TPGS2: variants seen among roughly 807,000 people sequenced by gnomAD.
TPGS2 encodes tubulin polyglutamylase complex subunit 2.
In TPGS2, 26 loss-of-function variants were observed where a neutral mutation model predicts 31.1. That is an observed-to-expected ratio of 0.84 (90% CI 0.61 to 1.16). The LOEUF is 1.16. Among genes scored for constraint, TPGS2 ranks in the 50% most tolerant of loss-of-function variants. TPGS2 has a pLI of 0.00. For missense variants in TPGS2, 351 were observed against 363.8 expected (o/e 0.96, Z 0.29); for synonymous variants, 130 against 136.6 (o/e 0.95, Z 0.34).
At position 36,795,567 on chromosome 18, in the gene TPGS2, A is replaced by C. The variant is rs2044489504; in HGVS notation, c.*1238T>G. The C allele has an allele frequency of 2.0e-6, 2 of 985,322 alleles. No individual in the cohort carries two copies. Among genetic ancestry groups the C allele is most frequent in the Non-Finnish European group, 2.4e-6 (2 of 829,934 alleles). The allele number at this position is 985,322 out of a possible 1,614,324, so 61.0% of individuals were successfully genotyped here. A position where few individuals can be genotyped will look rare whatever the true frequency, so the allele number is the denominator to read the frequency against. On this transcript the variant is annotated 3_prime_UTR_variant, in exon 7 of 7. Transcript: ENST00000334295. ...ACAGCCAGGACTGTAGAGGGAGGAAATAAATAGGCATTCCTAATTGAAAAT... is the reference window on the plus strand; with the variant it reads ...ACAGCCAGGACTGTAGAGGGAGGAACTAAATAGGCATTCCTAATTGAAAAT...
At chr18:36,800,341 C>G in intron 4 of TPGS2, 30 bp from the exon 5 acceptor site, 1 of 1,598,028 alleles carries the variant, frequency 6.3e-7, no homozygotes, top group Non-Finnish European at 8.6e-7. Flanking sequence ...TGGTAATGTT[C>G]AAACAAACTC....
chr18:36,809,856 A>C (rs2045338853), intron 2 of TPGS2, among the ~76,000 whole-genome samples: 1 of 152,212 alleles, frequency 6.6e-6, no homozygotes, highest in East Asian at 1.9e-4. Flanking sequence ...GGCATTGTTC[A>C]TATGTAAGAC....
chr18:36,795,486 T>G lies in TPGS2; in HGVS notation c.*1319A>C, dbSNP rs2044486119. On this transcript the variant is annotated 3_prime_UTR_variant, in exon 7 of 7. Coordinates refer to ENST00000334295, the MANE Select transcript of TPGS2 (RefSeq NM_015476.4). The stretch of plus-strand genomic sequence containing the variant: ...GCCACCCAAAGAACTTGGGGCTAGG[T>G]GGGTGACTCCCCACTTTCCCTGTTG... 2 of 985,366 alleles carry G rather than the reference T, an allele frequency of 2.0e-6. No individual in the cohort carries two copies. The highest frequency in any genetic ancestry group is 9.4e-5 in the South Asian group (2 of 21,282). The allele number at this position is 985,366 out of a possible 1,614,324, so 61.0% of individuals were successfully genotyped here. A position where few individuals can be genotyped will look rare whatever the true frequency, so the allele number is the denominator to read the frequency against.
chr18:36,806,782 C>T (rs920767610), intron 3 of TPGS2, among the ~76,000 whole-genome samples: 1 of 124,950 alleles, frequency 8.0e-6, no homozygotes, highest in Non-Finnish European at 1.6e-5. Context: ...ACCTGGGAGG[C>T]GGAGGTTGCA....
rs988853757 is a variant in TPGS2 at position 36,796,488 on chromosome 18, G to A, written c.*317C>T. ...TGGGTCAAAACCAGTGGTTTCTTTGGGGGACCTCTCTAATCAATCAGTGCT... is the reference window on the plus strand; with the variant it reads ...TGGGTCAAAACCAGTGGTTTCTTTGAGGGACCTCTCTAATCAATCAGTGCT... On this transcript the variant is annotated 3_prime_UTR_variant, in exon 7 of 7. Transcript: ENST00000334295. 36 of 1,096,368 alleles carry A rather than the reference G, an allele frequency of 3.3e-5. No homozygotes were observed. In the African/African-American group the frequency reaches 5.5e-4, roughly 17 times the overall value. The allele number at this position is 1,096,368 out of a possible 1,614,324, so 67.9% of individuals were successfully genotyped here.
At chr18:36,786,784 A>C (rs541280364) in intron 6 of TPGS2, 1 of 1,232,712 alleles carries the variant, frequency 8.1e-7, no homozygotes. Context: ...GCCAGCAGAG[A>C]GTCTGTTCAC....
At chr18:36,800,373 A>G in intron 4 of TPGS2, 62 bp from the exon 5 acceptor site, 3 of 1,424,022 alleles carry the variant, frequency 2.1e-6, no homozygotes, top group Non-Finnish European at 3.0e-6. Flanking sequence ...ATACCTATAT[A>G]TCCAACTTTG....
intron 6 of TPGS2, among the ~76,000 whole-genome samples, chr18:36,787,317 C>A (rs374302512): frequency 6.6e-6 from 1 of 152,096 alleles, no homozygotes; most frequent in Non-Finnish European, 1.5e-5. Flanking sequence ...AGAAAACTAA[C>A]CAAAAATTTT....
At chr18:36,811,556 C>A (rs2045428435) in intron 2 of TPGS2, among the ~76,000 whole-genome samples, 1 of 152,026 alleles carries the variant, frequency 6.6e-6, no homozygotes, top group South Asian at 2.1e-4. Flanking sequence ...AGAGTAATAC[C>A]CTCAAGTTTA....
downstream of TPGS2, chr18:36,781,792 CA>C (rs2044023283): frequency 1.0e-6 from 1 of 985,360 alleles, no homozygotes; most frequent in South Asian, 4.7e-5. Flanking sequence ...GCTCTAACCC[CA>C]CTTACGGAGA....
At chr18:36,821,543 A>C (rs2045895148) in intron 1 of TPGS2, among the ~76,000 whole-genome samples, 3 of 152,254 alleles carry the variant, frequency 2.0e-5, no homozygotes, top group Admixed American at 2.0e-4. Flanking sequence ...CTATGTCCTA[A>C]GCTTTGGGAA....
At chr18:36,792,755 TTA>T (rs1424008220), downstream of TPGS2, among the ~76,000 whole-genome samples, 1 of 152,182 alleles carries the variant, frequency 6.6e-6, no homozygotes, top group Non-Finnish European at 1.5e-5. Context: ...ATTCTGTGGA[TTA>T]TCAGGTGCAG....
chr18:36,802,945 A>T (rs1456044117), intron 4 of TPGS2, among the ~76,000 whole-genome samples: 2 of 152,018 alleles, frequency 1.3e-5, no homozygotes, highest in Non-Finnish European at 2.9e-5. Context: ...CTTGATTAAA[A>T]TTTTTTTAAA....
chr18:36,825,780 A>G (rs2046109707), intron 1 of TPGS2, among the ~76,000 whole-genome samples: 1 of 152,102 alleles, frequency 6.6e-6, no homozygotes, highest in Admixed American at 6.5e-5. Context: ...GGTCTCTTGC[A>G]TTTCTATATT....
At chr18:36,807,729 T>C in intron 3 of TPGS2, 118 bp downstream of exon 3, 1 of 843,456 alleles carries the variant, frequency 1.2e-6, no homozygotes, top group East Asian at 2.6e-5. Flanking sequence ...ACATGGCACT[T>C]GAGGGGCACC....
At chr18:36,807,797 A>C in intron 3 of TPGS2, 50 bp downstream of exon 3, 1 of 1,573,972 alleles carries the variant, frequency 6.4e-7, no homozygotes, top group South Asian at 1.1e-5. Flanking sequence ...GAGTTGTCCC[A>C]TTCAATCTCT....
rs557222318 is a variant in TPGS2, at chr18:36,784,208, C to T, written c.658-1077G>A. Among the ~76,000 whole-genome samples the T allele has an allele frequency of 5.9e-5, 9 of 152,370 alleles. No homozygotes were observed. In the South Asian group the frequency reaches 1.4e-3, roughly 25 times the overall value. On this transcript the variant is annotated intron_variant, in intron 6 of 6. Transcript: ENST00000587129. ...CCACCAAGCTTGTGGTGATTCCTCA[C>T]GGTATCCTCTAAGAAATGATACAAC...
In TPGS2 at chr18:36,794,421, GACACCGCTGACC is replaced by G; in HGVS notation, c.*2372_*2383del. ...CCACTTGATTGCCACAGATTTGAGT[GACACCGCTGACC>G]TCCTGGTTCCTCCGCTGCTTCACTT... On this transcript the variant is annotated 3_prime_UTR_variant, in exon 7 of 7. Coordinates refer to ENST00000334295, the MANE Select transcript of TPGS2 (RefSeq NM_015476.4). 1 of 985,476 alleles carries G rather than the reference GACACCGCTGACC, an allele frequency of 1.0e-6. No homozygotes were observed. The highest frequency in any genetic ancestry group is 1.2e-6 in the Non-Finnish European group (1 of 829,960). 61.0% of individuals were successfully genotyped at this position (985,476 alleles called of 1,614,324 possible). A position where few individuals can be genotyped will look rare whatever the true frequency, so the allele number is the denominator to read the frequency against.
At chr18:36,827,741 A>G (rs962236190) in intron 1 of TPGS2, among the ~76,000 whole-genome samples, 3 of 152,174 alleles carry the variant, frequency 2.0e-5, no homozygotes, top group Non-Finnish European at 4.4e-5. Flanking sequence ...CCTCTGTGAC[A>G]TGTTCTTTAA....
Sources: gnomAD v4.1 joint callset for allele counts (sites outside exome capture counted in the v4.1 genomes callset) on GRCh38, gnomAD v4.1.1 for gene constraint, MANE v1.5 for transcripts, NCBI Gene and HGNC (gene_info 2026-07-23, HGNC 2026-07-21) for gene names.